The following ZNF84 variants were observed in gnomAD, a reference collection of about 807,000 sequenced individuals.
The protein encoded by ZNF84 is zinc finger protein HPF2.
Under a neutral mutation model 14.8 loss-of-function variants are expected in ZNF84, and 12 were observed. The ratio of observed to expected loss-of-function variants is 0.81; its 90% CI spans 0.52 to 1.31. The LOEUF (loss-of-function observed/expected upper bound fraction) is 1.31, where lower values mean the gene tolerates loss of function less well. Among genes scored for constraint, ZNF84 ranks in the 50% most tolerant of loss-of-function variants. The pLI is 0.00. For synonymous variants in ZNF84, 347 were observed against 291.1 expected (o/e 1.19, Z -1.96); for missense variants, 859 against 878.6 (o/e 0.98, Z 0.28).
Position 133,059,256 on chromosome 12 carries a change from G to A in ZNF84, c.*324G>A. ...TAGAAATATTCCCACTGGGGATGAG[G>A]GAAAACCCCATGAATGCGGGAAATG... On this transcript the variant is annotated 3_prime_UTR_variant, in exon 5 of 5. Coordinates refer to ENST00000539354, the MANE Select transcript of ZNF84 (RefSeq NM_001289971.2). 2.5e-6 allele frequency: 1 copy of A among 392,786 alleles called. No homozygotes were observed. The highest frequency in any genetic ancestry group is 1.2e-4 in the South Asian group (1 of 8,348). The allele number at this position is 392,786 out of a possible 1,614,324, so 24.3% of individuals were successfully genotyped here.
chr12:133,057,323 G>A lies in ZNF84; in HGVS notation c.608G>A (p.Gly203Glu). ...QIIIYHRNRL[G>E]EKLYECSECR... ...ATCATATATCATAGAAATCGTTTAG[G>A]GGAGAAACTCTATGAATGCAGTGAA... The change falls in exon 5 of 5, where the codon GGG becomes GAG. Residue 203 changes from glycine (G) to glutamate (E), a missense_variant. Transcript: ENST00000539354. The A allele has an allele frequency of 1.2e-6, 2 of 1,613,386 alleles. No individual in the cohort carries two copies. The highest frequency in any genetic ancestry group is 2.2e-5 in the East Asian group (1 of 44,884).
rs1434170343 is a variant in ZNF84 at position 133,058,462 on chromosome 12, A to G, written c.1747A>G (p.Lys583Glu). The change falls in exon 5 of 5, where the codon AAA (lysine) becomes GAA (glutamate). Residue 583 changes from lysine (K) to glutamate (E), a missense_variant. By Grantham distance (56) the Lys-to-Glu change is moderately conservative. Transcript: ENST00000539354. Reference protein sequence around the residue: ...CRDCEKAFSQKSQLNTHQRIH... With the variant: ...CRDCEKAFSQESQLNTHQRIH... The stretch of plus-strand genomic sequence containing the variant: ...GGACTGTGAAAAAGCTTTCTCCCAG[A>G]AATCACAGCTAAATACCCATCAGAG... 1.2e-6 allele frequency: 2 copies of G among 1,614,058 alleles called. No homozygotes were observed.
At position 133,058,749 on chromosome 12, in the gene ZNF84, G is replaced by A. The variant is rs1210773900; in HGVS notation, c.2034G>A (p.Thr678=). The A allele has an allele frequency of 2.5e-5, 40 of 1,610,862 alleles. No homozygotes were observed. The highest frequency in any genetic ancestry group is 5.0e-5 in the Admixed American group (3 of 59,620). ...SHLIPHQRTH[T]GEKPYGCSEC... ...TTATACCACATCAAAGGACACATAC[G>A]GGTGAGAAACCCTATGGATGCAGTG... is the stretch of plus-strand genomic sequence containing the variant. Residue 678 remains threonine (T), a synonymous_variant, in exon 5 of 5, where the codon ACG becomes ACA. Coordinates refer to ENST00000539354, the MANE Select transcript of ZNF84 (RefSeq NM_001289971.2).
In ZNF84 at chr12:133,058,322, C is replaced by T. The variant is rs950604287; in HGVS notation, c.1607C>T (p.Thr536Ile). 4 of 1,613,934 alleles carry T rather than the reference C, an allele frequency of 2.5e-6. No homozygotes were observed. The highest frequency in any genetic ancestry group is 3.4e-6 in the Non-Finnish European group (4 of 1,179,960). ...QKSHLISHQR[T>I]HTGEKPYECS... is the part of the protein sequence containing the mutation. ...TCACATCTCATATCACATCAGAGGACACATACAGGGGAGAAACCCTATGAA... is the reference window on the plus strand; with the variant it reads ...TCACATCTCATATCACATCAGAGGATACATACAGGGGAGAAACCCTATGAA... The change falls in exon 5 of 5, where the codon ACA becomes ATA. Residue 536 changes from threonine (T) to isoleucine (I), a missense_variant. Thr to Ile is a moderately conservative substitution (Grantham distance 89). Transcript: ENST00000539354.
chr12:133,051,301 T>A (rs1034454437), intron 4 of ZNF84, among the ~76,000 whole-genome samples: 5 of 152,154 alleles, frequency 3.3e-5, no homozygotes, highest in African/African-American at 9.7e-5. Flanking sequence ...GAGATATTTG[T>A]GTTCTTTTTT....
rs112599859 is a variant in ZNF84, at chr12:133,052,272, A to G, written c.238+3424A>G. Among the ~76,000 whole-genome samples the G allele has an allele frequency of 9.8e-3, 1,495 of 152,252 alleles. 11 individuals carry two copies. The highest frequency in any genetic ancestry group is 0.032 in the African/African-American group (1,350 of 41,552). ...CCTTGTGGACAGCCACCCTCTCACTATGTGTTCACATGGCCTTTTCCCAGT... is the reference window on the plus strand; with the variant it reads ...CCTTGTGGACAGCCACCCTCTCACTGTGTGTTCACATGGCCTTTTCCCAGT... On this transcript the variant is annotated intron_variant, in intron 4 of 4. Coordinates refer to ENST00000539354, the MANE Select transcript of ZNF84 (RefSeq NM_001289971.2).
At position 133,059,217 on chromosome 12, in the gene ZNF84, G is replaced by A. The variant is rs1207655263; in HGVS notation, c.*285G>A. 1.5e-5 allele frequency: 6 copies of A among 410,460 alleles called. No individual in the cohort carries two copies. Among genetic ancestry groups the A allele is most frequent in the Non-Finnish European group, 2.6e-5 (6 of 232,416 alleles). 25.4% of individuals were successfully genotyped at this position (410,460 alleles called of 1,614,324 possible). A position where few individuals can be genotyped will look rare whatever the true frequency, so the allele number is the denominator to read the frequency against. ...TGTCCAAAAGCCTTCCAGAAGTCAA[G>A]TCTCTTAAGCTATTAGAAATATTCC... On this transcript the variant is annotated 3_prime_UTR_variant, in exon 5 of 5. Transcript: ENST00000539354.
intron 4 of ZNF84, among the ~76,000 whole-genome samples, chr12:133,056,679 T>G (rs945340020): frequency 2.0e-5 from 3 of 152,240 alleles, no homozygotes; most frequent in Admixed American, 2.0e-4. Context: ...TCTAACCTTT[T>G]TTCTTTGCTT....
intron 2 of ZNF84, among the ~76,000 whole-genome samples, chr12:133,042,201 A>G (rs1241780857): frequency 6.6e-6 from 1 of 152,204 alleles, no homozygotes; most frequent in Non-Finnish European, 1.5e-5. Flanking sequence ...TTACTTAATA[A>G]TGGCTCCTAG....
rs866371049 is a variant in ZNF84 at position 133,059,184 on chromosome 12, C to T, written c.*252C>T. 1.4e-5 allele frequency: 6 copies of T among 418,708 alleles called. No individual in the cohort carries two copies. The highest frequency in any genetic ancestry group is 2.5e-5 in the Non-Finnish European group (6 of 237,916). The allele number at this position is 418,708 out of a possible 1,614,324, so 25.9% of individuals were successfully genotyped here. A position where few individuals can be genotyped will look rare whatever the true frequency, so the allele number is the denominator to read the frequency against. ...TAGAACATTCACAGCAAAGAAGAAT[C>T]CTGTGAATGTCCAAAAGCCTTCCAG... On this transcript the variant is annotated 3_prime_UTR_variant, in exon 5 of 5. Coordinates refer to ENST00000539354, the MANE Select transcript of ZNF84 (RefSeq NM_001289971.2).
At chr12:133,051,711 A>T (rs1455815284) in intron 4 of ZNF84, among the ~76,000 whole-genome samples, 1 of 152,158 alleles carries the variant, frequency 6.6e-6, no homozygotes, top group Non-Finnish European at 1.5e-5. Flanking sequence ...CTGGTCATGT[A>T]GGTATTCTCT....
Position 133,058,170 on chromosome 12 carries a change from A to C in ZNF84, c.1455A>C (p.Lys485Asn). Residue 485 changes from lysine to asparagine, a missense_variant, in exon 5 of 5, where the codon AAA becomes AAC. Physicochemically the swap from Lys to Asn is moderately conservative, Grantham distance 94. Transcript: ENST00000539354. Reference protein sequence around the residue: ...VRHQRTHTGEKPYECSECGKA... With the variant: ...VRHQRTHTGENPYECSECGKA... ...ATCAGAGAACTCATACGGGAGAAAA[A>C]CCGTATGAATGCAGTGAGTGTGGGA... is the stretch of plus-strand genomic sequence containing the variant. The C allele has an allele frequency of 1.9e-6, 3 of 1,614,030 alleles. No homozygotes were observed. The highest frequency in any genetic ancestry group is 2.5e-6 in the Non-Finnish European group (3 of 1,180,002).
In ZNF84 at chr12:133,058,089, C is replaced by G. The variant is rs1042593584; in HGVS notation, c.1374C>G (p.Pro458=). The G allele has an allele frequency of 3.1e-6, 5 of 1,612,062 alleles. No homozygotes were observed. In the African/African-American group the frequency reaches 6.7e-5, roughly 22 times the overall value. ...AGATGACACACACAGGAGAAAAACC[C>G]TTTATATGCAGTAAATGTGGGAAAG... The part of the protein sequence containing the change: ...SHQMTHTGEK[P]FICSKCGKAF... The change falls in exon 5 of 5, where the codon CCC becomes CCG. Residue 458 remains proline, a synonymous_variant. Coordinates refer to ENST00000539354, the MANE Select transcript of ZNF84 (RefSeq NM_001289971.2).
chr12:133,058,574 C>G lies in ZNF84; in HGVS notation c.1859C>G (p.Thr620Ser). ...TCGGAGCTAATTAGACATCTGAGAA[C>G]TCATACAGGAGAAAAACCTTATGAA... is the stretch of plus-strand genomic sequence containing the variant. ...EKSELIRHLR[T>S]HTGEKPYECN... The change falls in exon 5 of 5, where the codon ACT becomes AGT. Residue 620 changes from threonine (T) to serine (S), a missense_variant. Thr to Ser is a moderately conservative substitution (Grantham distance 58). Coordinates refer to ENST00000539354, the MANE Select transcript of ZNF84 (RefSeq NM_001289971.2). 2 of 1,613,994 alleles carry G rather than the reference C, an allele frequency of 1.2e-6. No homozygotes were observed. The highest frequency in any genetic ancestry group is 1.1e-5 in the South Asian group (1 of 91,074).
intron 4 of ZNF84, among the ~76,000 whole-genome samples, chr12:133,052,781 C>A (rs1290027321): frequency 2.0e-5 from 3 of 152,178 alleles, no homozygotes; most frequent in Admixed American, 2.0e-4. Context: ...TGAGGAGACA[C>A]ATTTAGTCCA....
chr12:133,049,242 C>G (rs1359077152), intron 4 of ZNF84, among the ~76,000 whole-genome samples: 1 of 152,088 alleles, frequency 6.6e-6, no homozygotes, highest in African/African-American at 2.4e-5. Flanking sequence ...TGATCCCATT[C>G]AGTCCCTCCT....
At chr12:133,048,708 C>G in intron 3 of ZNF84, 45 bp from the exon 4 acceptor site, 1 of 1,523,984 alleles carries the variant, frequency 6.6e-7, no homozygotes, top group African/African-American at 1.4e-5. Flanking sequence ...GGCCCTAAAC[C>G]CCAAGCAGTT....
In ZNF84 at chr12:133,058,471, C is replaced by T. The variant is rs1042045477; in HGVS notation, c.1756C>T (p.Leu586=). 1.6e-4 allele frequency: 265 copies of T among 1,614,122 alleles called. No individual in the cohort carries two copies. Among genetic ancestry groups the T allele is most frequent in the Admixed American group, 7.2e-4 (43 of 60,014 alleles). The change falls in exon 5 of 5, where the codon CTA becomes TTA. Residue 586 remains leucine (L), a synonymous_variant. Transcript: ENST00000539354. ...CEKAFSQKSQ[L]NTHQRIHTGE... ...AAAAGCTTTCTCCCAGAAATCACAG[C>T]TAAATACCCATCAGAGAATTCACAC... is the stretch of plus-strand genomic sequence containing the variant.
At chr12:133,049,739 A>G (rs1001958002) in intron 4 of ZNF84, among the ~76,000 whole-genome samples, 7 of 152,146 alleles carry the variant, frequency 4.6e-5, no homozygotes, top group African/African-American at 1.7e-4. Context: ...TTGGTCTCCC[A>G]AAGTGCTGGG....
Sources: allele counts gnomAD v4.1 joint callset (sites outside exome capture counted in the v4.1 genomes callset), GRCh38; gene constraint gnomAD v4.1.1; transcripts MANE v1.5; gene names NCBI Gene and HGNC (gene_info 2026-07-23, HGNC 2026-07-21).